CAMTA1: variants seen among roughly 807,000 people sequenced by gnomAD.
CAMTA1 encodes the protein calmodulin-binding transcription activator 1.
CAMTA1 carries 27 observed loss-of-function variants against 170.9 expected under a neutral mutation model. The observed-to-expected ratio is 0.16, with a 90% CI of 0.12 to 0.22. The LOEUF is 0.22. Among genes scored for constraint, CAMTA1 ranks in the 10% least tolerant of loss-of-function variants. The pLI is 1.00. For synonymous variants in CAMTA1, 833 were observed against 891.5 expected (o/e 0.93, Z 1.17); for missense variants, 1,619 against 2,217.2 (o/e 0.73, Z 5.42).
chr1:6,932,661 G>A (rs754823120), intron 3 of CAMTA1, among the ~76,000 whole-genome samples: 1 of 152,132 alleles, frequency 6.6e-6, no homozygotes, highest in Admixed American at 6.5e-5. Context: ...CCCTTCCTAC[G>A]GTCAGTCTTT....
rs182190098 is a variant in CAMTA1 at position 7,100,170 on chromosome 1, C to T, written c.302+8799C>T. On this transcript the variant is annotated intron_variant, in intron 4 of 22. Transcript: ENST00000303635. ...CGTGTTGTTCCTGGGGTCCCCTGCA[C>T]GGCACTTGGGTTTTTGCTTCCTAGA... Among the ~76,000 whole-genome samples the T allele has an allele frequency of 4.4e-3, 664 of 152,276 alleles. 4 individuals are homozygous for T. The highest frequency in any genetic ancestry group is 6.0e-3 in the Non-Finnish European group (409 of 68,020).
intron 6 of CAMTA1, among the ~76,000 whole-genome samples, chr1:7,608,521 C>T (rs1291555857): frequency 1.3e-5 from 2 of 152,190 alleles, no homozygotes; most frequent in African/African-American, 2.4e-5. Flanking sequence ...CTGCATAACA[C>T]CAGTGCCTGT....
chr1:7,049,721 G>A (rs1706007829), intron 3 of CAMTA1, among the ~76,000 whole-genome samples: 1 of 152,208 alleles, frequency 6.6e-6, no homozygotes, highest in Admixed American at 6.5e-5. Flanking sequence ...GCCTCCCAAA[G>A]TGCTGGGATC....
intron 3 of CAMTA1, among the ~76,000 whole-genome samples, chr1:6,930,615 G>A (rs986184653): frequency 6.6e-5 from 10 of 152,172 alleles, no homozygotes; most frequent in Non-Finnish European, 1.5e-4. Flanking sequence ...CCCTGTGCAG[G>A]TCTATGCTGT....
intron 3 of CAMTA1, among the ~76,000 whole-genome samples, chr1:6,877,663 C>A (rs1670308484): frequency 6.6e-6 from 1 of 152,198 alleles, no homozygotes; most frequent in South Asian, 2.1e-4. Flanking sequence ...GGTGGGGTCG[C>A]AAATACTCCA....
intron 4 of CAMTA1, among the ~76,000 whole-genome samples, chr1:7,239,109 C>G (rs1194219077): frequency 3.3e-5 from 5 of 152,144 alleles, no homozygotes; most frequent in Admixed American, 6.5e-5. Flanking sequence ...CTCTCCCATT[C>G]CTTCCCTCAA....
chr1:7,670,668 G>C (rs543918210), intron 9 of CAMTA1, among the ~76,000 whole-genome samples: 1 of 152,194 alleles, frequency 6.6e-6, no homozygotes, highest in Non-Finnish European at 1.5e-5. Flanking sequence ...TGGAGCTGCC[G>C]GTCCTGGGGC....
chr1:7,754,330 C>T (rs531490963), intron 21 of CAMTA1, among the ~76,000 whole-genome samples: 3 of 152,336 alleles, frequency 2.0e-5, no homozygotes, highest in African/African-American at 4.8e-5. Context: ...CAAGTTAAGT[C>T]GTGCTAGACT....
At chr1:7,572,832 C>T (rs1417628900) in intron 6 of CAMTA1, among the ~76,000 whole-genome samples, 4 of 152,124 alleles carry the variant, frequency 2.6e-5, no homozygotes, top group Non-Finnish European at 4.4e-5. Context: ...AAATGGAAGA[C>T]GAAGATAAAA....
chr1:7,594,481 C>T (rs1012159892), intron 6 of CAMTA1, among the ~76,000 whole-genome samples: 4 of 152,154 alleles, frequency 2.6e-5, no homozygotes, highest in African/African-American at 9.7e-5. Context: ...TGCCTTGGGG[C>T]ATTTCAAGCA....
intron 5 of CAMTA1, among the ~76,000 whole-genome samples, chr1:7,281,768 T>G (rs550248339): frequency 1.1e-4 from 16 of 152,156 alleles, no homozygotes; most frequent in Middle Eastern, 3.4e-3. Flanking sequence ...TGTGGATTTT[T>G]TTTGTTGTTG....
intron 4 of CAMTA1, among the ~76,000 whole-genome samples, chr1:7,137,688 C>G (rs1645621788): frequency 6.6e-6 from 1 of 152,192 alleles, no homozygotes; most frequent in South Asian, 2.1e-4. Flanking sequence ...CCTGCTTCCT[C>G]TACTTGGTAT....
At position 7,467,993 on chromosome 1, in the gene CAMTA1, C is replaced by T. The variant is rs553682114; in HGVS notation, c.510+92C>T. 1.9e-4 allele frequency: 197 copies of T among 1,033,354 alleles called. No homozygotes were observed. The African/African-American group carries it at 2.6e-3, about 14-fold the overall frequency. The allele number at this position is 1,033,354 out of a possible 1,614,324, so 64.0% of individuals were successfully genotyped here. On this transcript the variant is annotated intron_variant, in intron 6 of 22. Transcript: ENST00000303635. Reference sequence around the variant, plus strand: ...AGGGCGCGGGGCTCCGCATGCGACACGGCTTCGGGCTGAGAGCCCTGGTGA... The same window carrying T: ...AGGGCGCGGGGCTCCGCATGCGACATGGCTTCGGGCTGAGAGCCCTGGTGA...
chr1:7,486,014 C>T (rs2093612979), intron 6 of CAMTA1, among the ~76,000 whole-genome samples: 2 of 152,236 alleles, frequency 1.3e-5, no homozygotes, highest in African/African-American at 4.8e-5. Context: ...AAAGATCATT[C>T]TACTGCCAGA....
rs185305928 is a variant in CAMTA1, at chr1:6,845,651, G to A, written c.234+20441G>A. 9.0e-3 allele frequency among the ~76,000 whole-genome samples: 1,369 copies of A among 152,302 alleles called. 15 individuals carry two copies. The highest frequency in any genetic ancestry group is 0.013 in the Non-Finnish European group (880 of 68,028). Reference sequence around the variant, plus strand: ...TGGATGATTTAAGTGCTGCTTCTTGGAGATATGGAAGTTTCAGTTTAGTAA... The same window carrying A: ...TGGATGATTTAAGTGCTGCTTCTTGAAGATATGGAAGTTTCAGTTTAGTAA... On this transcript the variant is annotated intron_variant, in intron 3 of 22. Transcript: ENST00000303635.
chr1:7,722,914 G>A (rs564532008), intron 11 of CAMTA1, among the ~76,000 whole-genome samples: 3 of 151,916 alleles, frequency 2.0e-5, no homozygotes, highest in South Asian at 4.2e-4. Flanking sequence ...TAGCAAGACC[G>A]CAGCTCTAAA....
intron 6 of CAMTA1, among the ~76,000 whole-genome samples, chr1:7,597,954 C>CT (rs1396767015): frequency 6.8e-6 from 1 of 146,176 alleles, no homozygotes; most frequent in Non-Finnish European, 1.5e-5. Flanking sequence ...TTTTTTTATA[C>CT]TTTAAGTTTT....
intron 3 of CAMTA1, among the ~76,000 whole-genome samples, chr1:7,076,011 T>A (rs1402356421): frequency 6.6e-6 from 1 of 152,192 alleles, no homozygotes; most frequent in Non-Finnish European, 1.5e-5. Context: ...TCTTCGTAGA[T>A]CATAAGCTTA....
chr1:6,890,152 A>T (rs1170343082), intron 3 of CAMTA1, among the ~76,000 whole-genome samples: 3 of 152,168 alleles, frequency 2.0e-5, no homozygotes, highest in Non-Finnish European at 2.9e-5. Context: ...AAGCCAGTTT[A>T]TGACTGGCCC....
Sources: allele counts gnomAD v4.1 joint callset (sites outside exome capture counted in the v4.1 genomes callset), GRCh38; gene constraint gnomAD v4.1.1; transcripts MANE v1.5; gene names NCBI Gene and HGNC (gene_info 2026-07-23, HGNC 2026-07-21).